The following DMD variants were observed in gnomAD, a reference collection of about 807,000 sequenced individuals.
The protein encoded by DMD is mutant dystrophin.
A neutral mutation model predicts 330.1 loss-of-function variants in DMD; 63 were observed. That is an observed-to-expected ratio of 0.19 (90% CI 0.16 to 0.24). The LOEUF (loss-of-function observed/expected upper bound fraction) is 0.24. Ranked by LOEUF, DMD falls within the 10% of genes least tolerant of loss-of-function variation. The probability of loss-of-function intolerance (pLI) is 1.00; values close to 1 mark genes in which losing one functional copy is unlikely to be tolerated. For synonymous variants in DMD, 1,223 were observed against 959.8 expected, an observed-to-expected ratio of 1.27 and a Z score of -5.07; for missense variants, 3,344 against 2,684.1, an observed-to-expected ratio of 1.25 and a Z score of -5.43.
chrX:32,964,954 A>G (rs1258212091), intron 2 of DMD, among the ~76,000 whole-genome samples: 1 of 111,884 alleles, frequency 8.9e-6, no homozygotes, highest in African/African-American at 3.3e-5. Context: ...GTAGCTCTCT[A>G]GACTTAGCTG....
intron 50 of DMD, among the ~76,000 whole-genome samples, chrX:31,782,651 A>C (rs2091080203): frequency 8.9e-6 from 1 of 111,900 alleles, no homozygotes; most frequent in South Asian, 3.8e-4. Context: ...CTTGTTACAC[A>C]GCAATAGATA....
intron 57 of DMD, among the ~76,000 whole-genome samples, chrX:31,493,791 T>G (rs2069550012): frequency 9.0e-6 from 1 of 111,553 alleles, no homozygotes; most frequent in Admixed American, 9.6e-5. Context: ...GTGGCAAGAG[T>G]AGATGCAGAA....
chrX:33,105,089 A>G (rs995295509), intron 1 of DMD, among the ~76,000 whole-genome samples: 3 of 112,251 alleles, frequency 2.7e-5, no homozygotes, highest in African/African-American at 9.7e-5. Context: ...TACATAGACC[A>G]TTGGAATAGA....
intron 67 of DMD, among the ~76,000 whole-genome samples, chrX:31,196,819 C>CAAAAAA (rs59602681): frequency 8.1e-5 from 2 of 24,701 alleles, no homozygotes; most frequent in Non-Finnish European, 1.3e-4. Flanking sequence ...GACTCTGTCT[C>CAAAAAA]AAAAAAAAAA....
At chrX:32,685,092 T>A (rs991076712) in intron 9 of DMD, among the ~76,000 whole-genome samples, 1 of 111,601 alleles carries the variant, frequency 9.0e-6, no homozygotes, top group Admixed American at 9.6e-5. Context: ...ATTCCTGGCT[T>A]CTAGGATCAA....
intron 44 of DMD, among the ~76,000 whole-genome samples, chrX:32,164,111 G>T (rs1382774860): frequency 2.7e-5 from 3 of 111,164 alleles, no homozygotes; most frequent in Admixed American, 1.9e-4. Context: ...AATGGACCAT[G>T]TCTGTAATTT....
At chrX:32,019,867 C>A (rs2095794552) in intron 44 of DMD, among the ~76,000 whole-genome samples, 1 of 112,481 alleles carries the variant, frequency 8.9e-6, no homozygotes, top group African/African-American at 3.2e-5. Context: ...AGAATTTTCA[C>A]CCTATTCATG....
intron 2 of DMD, among the ~76,000 whole-genome samples, chrX:32,980,386 A>AC (rs1404507333): frequency 9.4e-6 from 1 of 106,351 alleles, no homozygotes; most frequent in African/African-American, 3.5e-5. Flanking sequence ...AAAAAAAAAA[A>AC]AAAAAAAGGA....
chrX:32,541,877 A>G (rs228361), intron 17 of DMD, among the ~76,000 whole-genome samples: 24,135 of 110,385 alleles, frequency 0.22, 2,130 homozygotes, highest in East Asian at 0.32. Context: ...GATTTTTTCC[A>G]TATTTGCTAC....
At chrX:32,149,874 C>G (rs1418789716) in intron 44 of DMD, among the ~76,000 whole-genome samples, 5 of 111,836 alleles carry the variant, frequency 4.5e-5, no homozygotes, top group Non-Finnish European at 1.9e-5. Flanking sequence ...GGAAACAGAC[C>G]AAACACATAT....
At chrX:32,794,738 G>C (rs2076065378) in intron 7 of DMD, among the ~76,000 whole-genome samples, 2 of 112,280 alleles carry the variant, frequency 1.8e-5, no homozygotes, top group Admixed American at 1.9e-4. Flanking sequence ...TCCAAGTACT[G>C]CTCTTTGTTA....
chrX:32,364,497 G>A (rs2097847456), intron 36 of DMD, 85 bp downstream of exon 36: 1 of 1,047,000 alleles, frequency 9.6e-7, no homozygotes, highest in Admixed American at 2.2e-5. Flanking sequence ...CTCTTATTAA[G>A]ACGTCCTTAG....
chrX:32,596,640 G>A (rs895934770), intron 12 of DMD, among the ~76,000 whole-genome samples: 1 of 110,151 alleles, frequency 9.1e-6, no homozygotes, highest in African/African-American at 3.3e-5. Context: ...CCACCTACCG[G>A]GTTCAAGGGA....
intron 43 of DMD, among the ~76,000 whole-genome samples, chrX:32,234,509 A>G (rs1305376368): frequency 8.9e-6 from 1 of 111,909 alleles, no homozygotes; most frequent in Non-Finnish European, 1.9e-5. Flanking sequence ...GATTTGGGAC[A>G]TGGCCAGGGC....
intron 1 of DMD, among the ~76,000 whole-genome samples, chrX:33,283,727 C>T (rs1306135360): frequency 1.8e-5 from 2 of 110,153 alleles, no homozygotes; most frequent in East Asian, 2.9e-4. Flanking sequence ...TTTATGAAAA[C>T]ATCTGTCGAG....
At chrX:31,201,776 T>G (rs1039310500) in intron 67 of DMD, among the ~76,000 whole-genome samples, 1 of 112,196 alleles carries the variant, frequency 8.9e-6, no homozygotes, top group Non-Finnish European at 1.9e-5. Context: ...CAGCCTAGTT[T>G]ACTTTGCAGC....
chrX:32,498,771 C>A (rs144137865), intron 19 of DMD, among the ~76,000 whole-genome samples: 1,404 of 111,570 alleles, frequency 0.013, 24 homozygotes, highest in African/African-American at 0.043. Context: ...GTATGTGACA[C>A]TGAAAAACTG....
At chrX:33,020,567 G>T (rs1255327739) in intron 1 of DMD, among the ~76,000 whole-genome samples, 1 of 111,351 alleles carries the variant, frequency 9.0e-6, no homozygotes, top group Non-Finnish European at 1.9e-5. Flanking sequence ...CCAGCTACTT[G>T]GGAGGCTGAG....
At chrX:31,939,355 T>C (rs993612423) in intron 45 of DMD, among the ~76,000 whole-genome samples, 1 of 112,038 alleles carries the variant, frequency 8.9e-6, no homozygotes, top group African/African-American at 3.2e-5. Context: ...GGGGATAATA[T>C]ATCAAGATTT....
Sources: allele counts gnomAD v4.1 joint callset (sites outside exome capture counted in the v4.1 genomes callset), GRCh38; gene constraint gnomAD v4.1.1; transcripts MANE v1.5; gene names NCBI Gene and HGNC (gene_info 2026-07-23, HGNC 2026-07-21).